The following ROBO1 variants were observed in gnomAD, a reference collection of about 807,000 sequenced individuals.
The protein encoded by ROBO1 is roundabout guidance receptor 1.
ROBO1 carries 149 observed loss-of-function variants against 195.9 expected under a neutral mutation model. That is an observed-to-expected ratio of 0.76 (90% confidence interval 0.67 to 0.87). The LOEUF (loss-of-function observed/expected upper bound fraction) is 0.87, where lower values mean the gene tolerates loss of function less well. ROBO1 is among the 40% of genes least tolerant of loss of function. The probability of loss-of-function intolerance (pLI) is 0.00; values close to 1 mark genes in which losing one functional copy is unlikely to be tolerated. For missense variants in ROBO1, 1,933 were observed against 2,068.3 expected (o/e 0.93, Z 1.27); for synonymous variants, 816 against 733.2 (o/e 1.11, Z -1.82).
chr3:79,028,195 C>G (rs894234186), intron 3 of ROBO1, among the ~76,000 whole-genome samples: 1 of 151,904 alleles, frequency 6.6e-6, no homozygotes, highest in Non-Finnish European at 1.5e-5. Flanking sequence ...AAACTGCCAG[C>G]AAAAGAAAGA....
intron 2 of ROBO1, among the ~76,000 whole-genome samples, chr3:79,391,907 T>C (rs1210411665): frequency 1.3e-5 from 2 of 152,194 alleles, no homozygotes; most frequent in African/African-American, 2.4e-5. Context: ...AAGACAAATC[T>C]ACAAGTATCA....
At chr3:78,778,451 T>C (rs2083570883) in intron 4 of ROBO1, among the ~76,000 whole-genome samples, 1 of 152,072 alleles carries the variant, frequency 6.6e-6, no homozygotes, top group African/African-American at 2.4e-5. Context: ...TCAACAAAAA[T>C]CACAAGCATT....
chr3:79,302,369 A>G (rs934850021), intron 2 of ROBO1, among the ~76,000 whole-genome samples: 3 of 152,208 alleles, frequency 2.0e-5, no homozygotes, highest in African/African-American at 7.2e-5. Context: ...ATATCAGACT[A>G]TAACATTTGT....
chr3:78,993,837 C>T (rs1315079202), intron 3 of ROBO1, among the ~76,000 whole-genome samples: 1 of 152,092 alleles, frequency 6.6e-6, no homozygotes, highest in East Asian at 1.9e-4. Context: ...TTAAAGTTTG[C>T]ATCAAAATCT....
chr3:79,061,377 C>A (rs1379401719), intron 3 of ROBO1, among the ~76,000 whole-genome samples: 1 of 152,100 alleles, frequency 6.6e-6, no homozygotes, highest in East Asian at 1.9e-4. Context: ...GAAGAACATT[C>A]CATGCTCATG....
At chr3:79,208,172 T>G (rs1007259727) in intron 2 of ROBO1, among the ~76,000 whole-genome samples, 1 of 152,186 alleles carries the variant, frequency 6.6e-6, no homozygotes, top group Non-Finnish European at 1.5e-5. Flanking sequence ...GTGCCATCTC[T>G]CAGCCTTCTC....
intron 2 of ROBO1, among the ~76,000 whole-genome samples, chr3:79,174,729 A>G (rs1452120244): frequency 6.6e-6 from 1 of 151,716 alleles, no homozygotes; most frequent in Non-Finnish European, 1.5e-5. Flanking sequence ...CTGGTCGGTC[A>G]TGTGTGGTCG....
chr3:78,868,548 A>G (rs572253876), intron 4 of ROBO1, among the ~76,000 whole-genome samples: 2 of 152,342 alleles, frequency 1.3e-5, no homozygotes, highest in East Asian at 3.9e-4. Flanking sequence ...ATAGTCTGGT[A>G]TTAGAGATCA....
At chr3:78,974,081 A>C (rs1467081572) in intron 3 of ROBO1, among the ~76,000 whole-genome samples, 1 of 152,182 alleles carries the variant, frequency 6.6e-6, no homozygotes, top group Admixed American at 6.5e-5. Flanking sequence ...AATTTCAAAA[A>C]AAAACATCAT....
intron 3 of ROBO1, among the ~76,000 whole-genome samples, chr3:79,108,716 G>C (rs1454008526): frequency 6.6e-6 from 1 of 151,772 alleles, no homozygotes; most frequent in East Asian, 1.9e-4. Context: ...TTAAATTATA[G>C]AGTGAATAGA....
chr3:78,922,613 T>C (rs2039001128), intron 4 of ROBO1, among the ~76,000 whole-genome samples: 1 of 149,500 alleles, frequency 6.7e-6, no homozygotes, highest in Admixed American at 6.7e-5. Context: ...TTCTTTTTTT[T>C]TTTTTTTTTT....
At chr3:79,052,218 C>T (rs767095179) in intron 3 of ROBO1, among the ~76,000 whole-genome samples, 6 of 152,058 alleles carry the variant, frequency 3.9e-5, no homozygotes, top group African/African-American at 1.4e-4. Flanking sequence ...TCTAAAATGG[C>T]CGCTCTGGGA....
intron 4 of ROBO1, among the ~76,000 whole-genome samples, chr3:78,852,122 A>G (rs2034105885): frequency 6.6e-6 from 1 of 152,140 alleles, no homozygotes; most frequent in African/African-American, 2.4e-5. Flanking sequence ...GAAATGAAAC[A>G]TAACTTCTAT....
chr3:79,117,800 G>A (rs565585952), intron 3 of ROBO1, among the ~76,000 whole-genome samples: 3 of 152,220 alleles, frequency 2.0e-5, no homozygotes, highest in African/African-American at 7.2e-5. Flanking sequence ...ATGGAAGGTG[G>A]ACTGATGTCT....
Position 78,672,449 on chromosome 3 carries a change from G to A in ROBO1, c.1343-2148C>T, listed in dbSNP as rs140795768. ...AAATAAAAATAAAAATAAATTAGCC[G>A]GCCATGGTGGTGTGCACCTGTAGTC... On this transcript the variant is annotated intron_variant, in intron 10 of 30. Transcript: ENST00000464233. 2.7e-4 allele frequency among the ~76,000 whole-genome samples: 41 copies of A among 151,744 alleles called. No individual in the cohort carries two copies. The East Asian group carries it at 6.2e-3, about 23-fold the overall frequency.
intron 2 of ROBO1, among the ~76,000 whole-genome samples, chr3:79,379,718 TTC>T (rs1293415947): frequency 6.6e-6 from 1 of 152,212 alleles, no homozygotes; most frequent in Non-Finnish European, 1.5e-5. Context: ...CATCTAATAC[TTC>T]CATAGAAATT....
intron 1 of ROBO1, among the ~76,000 whole-genome samples, chr3:79,601,855 T>C (rs1458338286): frequency 6.6e-6 from 1 of 151,948 alleles, no homozygotes; most frequent in Non-Finnish European, 1.5e-5. Context: ...AACCTAAAAT[T>C]AGTTCAATAC....
intron 3 of ROBO1, among the ~76,000 whole-genome samples, chr3:79,091,662 T>G (rs577282967): frequency 1.3e-5 from 2 of 152,008 alleles, no homozygotes; most frequent in South Asian, 4.2e-4. Context: ...AGGGAAAGAG[T>G]AGCTTGCATT....
intron 3 of ROBO1, among the ~76,000 whole-genome samples, chr3:79,105,061 T>C (rs142013601): frequency 4.6e-5 from 7 of 151,782 alleles, no homozygotes; most frequent in African/African-American, 1.7e-4. Context: ...AGTCCACCTA[T>C]CAAGTTAATA....
Sources: allele counts gnomAD v4.1 joint callset (sites outside exome capture counted in the v4.1 genomes callset), GRCh38; gene constraint gnomAD v4.1.1; transcripts MANE v1.5; gene names NCBI Gene and HGNC (gene_info 2026-07-23, HGNC 2026-07-21).